MSH3: variants seen among roughly 807,000 people sequenced by gnomAD.
The protein encoded by MSH3 is DNA mismatch repair protein Msh3.
MSH3 carries 106 observed loss-of-function variants against 123.3 expected under a neutral mutation model. The observed-to-expected ratio is 0.86, with a 90% CI of 0.73 to 1.01. MSH3 has a LOEUF of 1.01. MSH3 is among the 50% of genes least tolerant of loss of function. The pLI, the probability that MSH3 is intolerant of heterozygous loss-of-function variation, is 0.00. For synonymous variants in MSH3, 515 were observed against 481.4 expected (o/e 1.07, Z -0.91); for missense variants, 1,459 against 1,347.6 (o/e 1.08, Z -1.29).
intron 11 of MSH3, 48 bp downstream of exon 11, chr5:80,741,596 A>C (rs940124579): frequency 2.3e-6 from 3 of 1,319,988 alleles, no homozygotes; most frequent in Non-Finnish European, 2.2e-6. Flanking sequence ...TTTGGGAAAA[A>C]CTTCTGAGTA....
rs777682307 is a variant in MSH3, at chr5:80,873,163, A to T, written c.3178A>T (p.Thr1060Ser). 1 of 1,613,716 alleles carries T rather than the reference A, an allele frequency of 6.2e-7. No homozygotes were observed. The highest frequency in any genetic ancestry group is 8.5e-7 in the Non-Finnish European group (1 of 1,179,744). ...PDFVTFLYQI[T>S]RGIAARSYGL... The stretch of plus-strand genomic sequence containing the variant: ...TTTTGTCACCTTCCTTTACCAAATA[A>T]CTAGAGGAATTGCAGCAAGGAGTTA... The change falls in exon 23 of 24, where the codon ACT becomes TCT. Residue 1060 changes from threonine to serine, a missense_variant. Thr to Ser is a moderately conservative substitution (Grantham distance 58, BLOSUM62 1). Coordinates refer to ENST00000265081, the MANE Select transcript of MSH3 (RefSeq NM_002439.5).
chr5:80,841,293 C>G (rs36160284), intron 20 of MSH3, among the ~76,000 whole-genome samples: 21,531 of 152,138 alleles, frequency 0.14, 1,556 homozygotes, highest in East Asian at 0.24. Flanking sequence ...TTTTCTTAAT[C>G]CAGTCTATCA....
At chr5:80,834,145 T>C (rs1745468728) in intron 20 of MSH3, among the ~76,000 whole-genome samples, 1 of 152,066 alleles carries the variant, frequency 6.6e-6, no homozygotes, top group African/African-American at 2.4e-5. Flanking sequence ...ATCCGTACCA[T>C]CAGGTGCTAT....
intron 21 of MSH3, among the ~76,000 whole-genome samples, chr5:80,863,728 T>A (rs1746051771): frequency 6.6e-6 from 1 of 152,090 alleles, no homozygotes; most frequent in Non-Finnish European, 1.5e-5. Flanking sequence ...AGCAGGGGCT[T>A]CCAGGCTACA....
At chr5:80,660,884 G>A (rs1162422364) in intron 2 of MSH3, among the ~76,000 whole-genome samples, 1 of 152,056 alleles carries the variant, frequency 6.6e-6, no homozygotes, top group Non-Finnish European at 1.5e-5. Context: ...TGCAACCTCT[G>A]CCCCGCCAAG....
At chr5:80,706,719 A>G (rs567124647) in intron 8 of MSH3, among the ~76,000 whole-genome samples, 53 of 152,302 alleles carry the variant, frequency 3.5e-4, no homozygotes, top group Middle Eastern at 3.4e-3. Flanking sequence ...CTTTTTGCTG[A>G]GTAAATACCA....
At chr5:80,686,077 A>G (rs1054212078) in intron 8 of MSH3, among the ~76,000 whole-genome samples, 16 of 152,302 alleles carry the variant, frequency 1.1e-4, no homozygotes, top group African/African-American at 3.6e-4. Context: ...CATATGATCT[A>G]ATCTCGAGAA....
intron 7 of MSH3, among the ~76,000 whole-genome samples, 175 bp from the exon 8 acceptor site, chr5:80,678,752 T>C (rs753310713): frequency 1.6e-4 from 25 of 152,176 alleles, no homozygotes; most frequent in Non-Finnish European, 2.9e-4. Context: ...TATCTGTGAG[T>C]CTGACTCTTC....
intron 4 of MSH3, among the ~76,000 whole-genome samples, chr5:80,671,048 G>A (rs1292971170): frequency 2.0e-5 from 3 of 151,816 alleles, no homozygotes; most frequent in Non-Finnish European, 4.4e-5. Flanking sequence ...GCTTGAACCC[G>A]GGAGATGGAG....
At chr5:80,835,686 G>A (rs1274249871) in intron 20 of MSH3, among the ~76,000 whole-genome samples, 1 of 152,098 alleles carries the variant, frequency 6.6e-6, no homozygotes, top group Non-Finnish European at 1.5e-5. Flanking sequence ...AGCCTGAGGT[G>A]GGTGGATGAC....
chr5:80,844,103 T>C (rs2112094485), intron 20 of MSH3, among the ~76,000 whole-genome samples: 1 of 152,256 alleles, frequency 6.6e-6, no homozygotes, highest in East Asian at 1.9e-4. Context: ...GTTGTGTCTT[T>C]GTTCTCATAG....
chr5:80,860,487 A>G (rs142576513), intron 21 of MSH3, among the ~76,000 whole-genome samples: 87 of 135,402 alleles, frequency 6.4e-4, no homozygotes, highest in African/African-American at 2.3e-3. Context: ...ATTTTACTCC[A>G]CTCTTTTCTT....
At chr5:80,712,194 A>G (rs1188298318) in intron 8 of MSH3, among the ~76,000 whole-genome samples, 1 of 152,116 alleles carries the variant, frequency 6.6e-6, no homozygotes, top group African/African-American at 2.4e-5. Context: ...GTTCTAGTCC[A>G]GGGAAGAGGA....
At chr5:80,671,272 T>C (rs1044215939) in intron 4 of MSH3, among the ~76,000 whole-genome samples, 1 of 152,186 alleles carries the variant, frequency 6.6e-6, no homozygotes, top group African/African-American at 2.4e-5. Flanking sequence ...CATGAATGCT[T>C]GTGATGATTC....
chr5:80,681,636 A>G (rs1205657245), intron 8 of MSH3, among the ~76,000 whole-genome samples: 10 of 150,858 alleles, frequency 6.6e-5, no homozygotes, highest in African/African-American at 2.2e-4. Context: ...TTAACTTAGT[A>G]TATATTTTAT....
Position 80,816,388 on chromosome 5 carries a change from A to G in MSH3, c.2813+2647A>G, listed in dbSNP as rs192431072. On this transcript the variant is annotated intron_variant, in intron 20 of 23. Transcript: ENST00000265081. ...GGATGAGTGTAAGAAGGAAGGAAGT[A>G]TATTTCAGAGAGAGCATGTGCAAAA... Among the ~76,000 whole-genome samples the G allele has an allele frequency of 3.3e-4, 51 of 152,342 alleles. No homozygotes were observed. The East Asian group carries it at 8.3e-3, about 25-fold the overall frequency.
In MSH3 at chr5:80,856,176, T is replaced by A. The variant is rs147918633; in HGVS notation, c.3000+1860T>A. On this transcript the variant is annotated intron_variant, in intron 21 of 23. Coordinates refer to ENST00000265081, the MANE Select transcript of MSH3 (RefSeq NM_002439.5). ...CTGGGATTATAGGCATGAGTTACCA[T>A]GCCCAGCCTCCCTTCTTTTCTTTGT... Among the ~76,000 whole-genome samples the A allele has an allele frequency of 4.2e-3, 647 of 152,278 alleles. 5 individuals carry two copies. The highest frequency in any genetic ancestry group is 0.014 in the African/African-American group (601 of 41,554).
chr5:80,869,833 C>CATATATATATACATATATACAT (rs200397657), intron 22 of MSH3, among the ~76,000 whole-genome samples: 3 of 69,846 alleles, frequency 4.3e-5, no homozygotes, highest in African/African-American at 1.7e-4. Context: ...TACATATATA[C>CATATATATATACATATATACAT]ATATATATAC....
intron 18 of MSH3, among the ~76,000 whole-genome samples, chr5:80,788,701 T>C (rs1744556811): frequency 6.6e-6 from 1 of 151,592 alleles, no homozygotes; most frequent in South Asian, 2.1e-4. Context: ...TTCCAGCTGC[T>C]TGGGACACTG....
Sources: gnomAD v4.1 joint callset for allele counts (sites outside exome capture counted in the v4.1 genomes callset) on GRCh38, gnomAD v4.1.1 for gene constraint, MANE v1.5 for transcripts, NCBI Gene and HGNC (gene_info 2026-07-23, HGNC 2026-07-21) for gene names.